ADAMTS9: variants seen among roughly 807,000 people sequenced by gnomAD.
The protein encoded by ADAMTS9 is ADAM metallopeptidase with thrombospondin type 1 motif 9.
A neutral mutation model predicts 257.1 loss-of-function variants in ADAMTS9; 107 were observed. The ratio of observed to expected loss-of-function variants is 0.42; its 90% confidence interval spans 0.36 to 0.49. The LOEUF (loss-of-function observed/expected upper bound fraction) is 0.49. Ranked by LOEUF, ADAMTS9 falls within the 20% of genes least tolerant of loss-of-function variation. The pLI is 0.03. For synonymous variants in ADAMTS9, 982 were observed against 880.9 expected (o/e 1.11, Z -2.03); for missense variants, 2,353 against 2,469.1 (o/e 0.95, Z 1.00).
At chr3:64,591,920 T>C (rs1320192125) in intron 28 of ADAMTS9, among the ~76,000 whole-genome samples, 1 of 152,182 alleles carries the variant, frequency 6.6e-6, no homozygotes, top group African/African-American at 2.4e-5. Flanking sequence ...TTTTTATTGT[T>C]GTTAGTTTCA....
At chr3:64,542,069 G>C (rs948486780) in intron 32 of ADAMTS9, 99 bp from the exon 33 acceptor site, 18 of 1,500,318 alleles carry the variant, frequency 1.2e-5, no homozygotes, top group Admixed American at 1.9e-5. Context: ...TCATGTACAG[G>C]GTGTCACTTC....
chr3:64,620,286 G>C (rs1700074707), intron 19 of ADAMTS9, among the ~76,000 whole-genome samples: 1 of 152,132 alleles, frequency 6.6e-6, no homozygotes, highest in Admixed American at 6.5e-5. Flanking sequence ...AAGCACTACA[G>C]GCAGCCAATA....
chr3:64,653,070 C>A (rs1224553893), intron 8 of ADAMTS9, among the ~76,000 whole-genome samples: 1 of 152,184 alleles, frequency 6.6e-6, no homozygotes, highest in East Asian at 1.9e-4. Context: ...AAATCTGAGA[C>A]AATCCAAAAT....
rs1487086629 is a variant in ADAMTS9, at chr3:64,528,860, T to TC, written c.5718+4305dup. ...CCATTTTATAGATGAACAAACTGAG[T>TC]CCCCCCTCTCCCCACCCCCATTTTC... is the stretch of plus-strand genomic sequence containing the variant. On this transcript the variant is annotated intron_variant, in intron 38 of 39. Coordinates refer to ENST00000498707, the MANE Select transcript of ADAMTS9 (RefSeq NM_182920.2). Among the ~76,000 whole-genome samples, 4 of 151,438 alleles carry TC rather than the reference T, an allele frequency of 2.6e-5. 1 individual carries two copies. The highest frequency in any genetic ancestry group is 9.7e-5 in the African/African-American group (4 of 41,136).
chr3:64,526,177 G>T (rs1432679199), intron 38 of ADAMTS9, among the ~76,000 whole-genome samples: 1 of 150,386 alleles, frequency 6.6e-6, no homozygotes, highest in Non-Finnish European at 1.5e-5. Context: ...GAGAAGAATT[G>T]TAATGTTCCC....
intron 12 of ADAMTS9, 70 bp from the exon 13 acceptor site, chr3:64,633,949 A>G: frequency 2.2e-6 from 3 of 1,363,168 alleles, no homozygotes; most frequent in Non-Finnish European, 3.0e-6. Flanking sequence ...TCACTCCTTC[A>G]TTCATGACTT....
chr3:64,584,960 A>C (rs1040758652), intron 28 of ADAMTS9, among the ~76,000 whole-genome samples: 1 of 152,128 alleles, frequency 6.6e-6, no homozygotes, highest in Non-Finnish European at 1.5e-5. Context: ...TTTCTTTTTA[A>C]TGATTCCCTT....
chr3:64,655,130 T>C (rs1701030568), intron 6 of ADAMTS9, among the ~76,000 whole-genome samples: 1 of 152,222 alleles, frequency 6.6e-6, no homozygotes, highest in Non-Finnish European at 1.5e-5. Flanking sequence ...TTTTTCTGGC[T>C]TTTGCAAAAT....
intron 38 of ADAMTS9, among the ~76,000 whole-genome samples, chr3:64,529,555 C>G (rs1395111931): frequency 1.3e-5 from 2 of 152,182 alleles, no homozygotes; most frequent in African/African-American, 4.8e-5. Context: ...CCAGAGAAGA[C>G]TGGGCCACAG....
At position 64,546,777 on chromosome 3, in the gene ADAMTS9, C is replaced by T. The variant is rs1252743296; in HGVS notation, c.5045G>A (p.Arg1682Lys). 13 of 1,607,424 alleles carry T rather than the reference C, an allele frequency of 8.1e-6. No homozygotes were observed. In the African/African-American group the frequency reaches 1.6e-4, roughly 20 times the overall value. ...ACTTACGCTCCCCCAGTTGCCAACT[C>T]TCCAGGTGGCCGAGACAGGGCAGTC... ...LRDCPVSATWRVGNWGSCSVS... is the reference protein window; with the variant it reads ...LRDCPVSATWKVGNWGSCSVS... Residue 1682 changes from arginine (R) to lysine (K), a missense_variant, in exon 32 of 40, where the codon AGA (arginine) becomes AAA (lysine). Physicochemically the swap from Arg to Lys is conservative, Grantham distance 26. Transcript: ENST00000498707.
At chr3:64,582,227 G>C (rs1437918864) in intron 28 of ADAMTS9, among the ~76,000 whole-genome samples, 1 of 152,172 alleles carries the variant, frequency 6.6e-6, no homozygotes. Flanking sequence ...TAGAACTGCA[G>C]AAACTTGCTT....
At position 64,621,255 on chromosome 3, in the gene ADAMTS9, A is replaced by T. The variant is rs535006383; in HGVS notation, c.2687-15T>A. 3 of 1,569,476 alleles carry T rather than the reference A, an allele frequency of 1.9e-6. No homozygotes were observed. Among genetic ancestry groups the T allele is most frequent in the South Asian group, 2.3e-5 (2 of 88,860 alleles). On this transcript the variant is annotated splice_polypyrimidine_tract_variant and intron_variant, in intron 18 of 39. Transcript: ENST00000498707. ...TTTCCGTTCCCCTAAGCAGAAAGGG[A>T]AAAAAAATTATTCAGGGAAAATAAT...
At position 64,542,430 on chromosome 3, in the gene ADAMTS9, C is replaced by CTTTTTTTTTTTT. The variant is rs56812239; in HGVS notation, c.5065-472_5065-461dup. Among the ~76,000 whole-genome samples the CTTTTTTTTTTTT allele has an allele frequency of 5.6e-5, 7 of 124,534 alleles. 1 individual carries two copies. The Admixed American group carries it at 5.7e-4, about 10-fold the overall frequency. The allele number at this position is 124,534 out of a possible 152,430, so 81.7% of individuals were successfully genotyped here. A position where few individuals can be genotyped will look rare whatever the true frequency, so the allele number is the denominator to read the frequency against. ...CTGATCACTTTTCATTTCTTTCTTT[C>CTTTTTTTTTTTT]TTTTTTTTTTTTTTGAGACAGAGTT... On this transcript the variant is annotated intron_variant, in intron 32 of 39. Coordinates refer to ENST00000498707, the MANE Select transcript of ADAMTS9 (RefSeq NM_182920.2).
chr3:64,579,560 G>T (rs1392948333), intron 28 of ADAMTS9, among the ~76,000 whole-genome samples: 2 of 151,984 alleles, frequency 1.3e-5, no homozygotes, highest in Admixed American at 6.6e-5. Flanking sequence ...AGCGTAATGA[G>T]TTCAAAGGTT....
In ADAMTS9 at chr3:64,621,178, T is replaced by G. The variant is rs1234659511; in HGVS notation, c.2749A>C (p.Arg917=). The G allele has an allele frequency of 2.5e-6, 4 of 1,613,814 alleles. No individual in the cohort carries two copies. The Admixed American group carries it at 6.7e-5, about 27-fold the overall frequency. ...ESDQLTVSDQ[R]CDRLPQPGHI... is the part of the protein sequence containing the mutation. ...CCAGGCTGGGGCAGCCGATCGCATC[T>G]TTGATCAGAAACAGTAAGCTGATCA... Residue 917 remains arginine (R), a synonymous_variant, in exon 19 of 40, where the codon AGA becomes CGA. Transcript: ENST00000498707.
chr3:64,635,019 C>T (rs1700459871), intron 12 of ADAMTS9, among the ~76,000 whole-genome samples: 1 of 152,116 alleles, frequency 6.6e-6, no homozygotes, highest in African/African-American at 2.4e-5. Context: ...AATTTTTCCC[C>T]TTCTTTACAA....
intron 38 of ADAMTS9, among the ~76,000 whole-genome samples, chr3:64,531,610 G>A (rs921601560): frequency 6.6e-6 from 1 of 152,118 alleles, no homozygotes; most frequent in Non-Finnish European, 1.5e-5. Flanking sequence ...GGGACTACAG[G>A]CATGCACCAC....
At chr3:64,602,298 C>T in intron 25 of ADAMTS9, 85 bp from the exon 26 acceptor site, 1 of 1,499,482 alleles carries the variant, frequency 6.7e-7, no homozygotes, top group Non-Finnish European at 9.1e-7. Context: ...TGTAAATGGC[C>T]CACCACTTTC....
chr3:64,545,249 C>T (rs2083181905), intron 32 of ADAMTS9, among the ~76,000 whole-genome samples: 1 of 152,142 alleles, frequency 6.6e-6, no homozygotes, highest in Non-Finnish European at 1.5e-5. Flanking sequence ...CCAGCCATCC[C>T]ATTACTGGGC....
Sources: allele counts gnomAD v4.1 joint callset (sites outside exome capture counted in the v4.1 genomes callset), GRCh38; gene constraint gnomAD v4.1.1; transcripts MANE v1.5; gene names NCBI Gene and HGNC (gene_info 2026-07-23, HGNC 2026-07-21).